The following GAB1 variants were observed in gnomAD, a reference collection of about 807,000 sequenced individuals.
The protein encoded by GAB1 is GRB2-associated-binding protein 1.
A neutral mutation model predicts 66.5 loss-of-function variants in GAB1; 19 were observed. The ratio of observed to expected loss-of-function variants is 0.29; its 90% CI spans 0.20 to 0.42. The LOEUF is 0.42. GAB1 is among the 10% of genes least tolerant of loss of function. The probability of loss-of-function intolerance (pLI) is 1.00; values close to 1 mark genes in which losing one functional copy is unlikely to be tolerated. For missense variants in GAB1, 732 were observed against 858.5 expected, an observed-to-expected ratio of 0.85 and a Z score of 1.84; for synonymous variants, 294 against 301.4, an observed-to-expected ratio of 0.98 and a Z score of 0.25.
chr4:143,351,558 C>G (rs1298059755), intron 1 of GAB1, among the ~76,000 whole-genome samples: 1 of 152,110 alleles, frequency 6.6e-6, no homozygotes, highest in Non-Finnish European at 1.5e-5. Flanking sequence ...GGAAAGGTGA[C>G]CTTTCGGCGG....
rs1736013134 is a variant in GAB1 at position 143,470,296 on chromosome 4, C to T, written c.*1107C>T. 1 of 152,044 alleles carries T rather than the reference C, an allele frequency of 6.6e-6. No individual in the cohort carries two copies. The highest frequency in any genetic ancestry group is 6.6e-5 in the Admixed American group (1 of 15,264). The allele number at this position is 152,044 out of a possible 1,614,324, so 9.4% of individuals were successfully genotyped here. A position where few individuals can be genotyped will look rare whatever the true frequency, so the allele number is the denominator to read the frequency against. ...CTATGCAATTAATATTTTATATCTG[C>T]ATTTTTTTAAAAAAAATAGATGTTA... On this transcript the variant is annotated 3_prime_UTR_variant, in exon 10 of 10. Coordinates refer to ENST00000262994, the MANE Select transcript of GAB1 (RefSeq NM_002039.4).
intron 1 of GAB1, among the ~76,000 whole-genome samples, chr4:143,359,968 C>T (rs1003033475): frequency 3.9e-5 from 6 of 152,174 alleles, no homozygotes; most frequent in Non-Finnish European, 5.9e-5. Flanking sequence ...GTTCAAAATA[C>T]CCAAAAAGAG....
At chr4:143,388,658 G>A (rs990602003) in intron 1 of GAB1, among the ~76,000 whole-genome samples, 5 of 151,958 alleles carry the variant, frequency 3.3e-5, no homozygotes, top group African/African-American at 1.2e-4. Context: ...CAGGTGATCC[G>A]CCCACCTCCA....
Position 143,433,578 on chromosome 4 carries a change from A to C in GAB1, c.455A>C (p.Asp152Ala), listed in dbSNP as rs776589442. 1 of 1,614,036 alleles carries C rather than the reference A, an allele frequency of 6.2e-7. No homozygotes were observed. Among genetic ancestry groups the C allele is most frequent in the South Asian group, 1.1e-5 (1 of 91,084 alleles). Residue 152 changes from aspartate to alanine, a missense_variant, in exon 3 of 10, where the codon GAT (aspartate) becomes GCT (alanine). Coordinates refer to ENST00000262994, the MANE Select transcript of GAB1 (RefSeq NM_002039.4). ...ACAGCACCACCATCCACCCAGGCAG[A>C]TTCATCCTCTGCTACTCTACCTCCT... ...INTAPPSTQA[D>A]SSSATLPPPY...
chr4:143,349,626 G>A, intron 1 of GAB1: 6 of 1,463,642 alleles, frequency 4.1e-6, no homozygotes, highest in Non-Finnish European at 5.6e-6. Flanking sequence ...GGACGGTGTG[G>A]GGCTTGCCGA....
At chr4:143,435,859 A>G (rs1733915344) in intron 3 of GAB1, among the ~76,000 whole-genome samples, 2 of 152,200 alleles carry the variant, frequency 1.3e-5, no homozygotes, top group African/African-American at 4.8e-5. Context: ...TCTAGGAAGC[A>G]TTCCTCTCAA....
chr4:143,364,423 C>A (rs1333992590), intron 1 of GAB1, among the ~76,000 whole-genome samples: 1 of 152,102 alleles, frequency 6.6e-6, no homozygotes, highest in Non-Finnish European at 1.5e-5. Context: ...TTATTTAATT[C>A]CTCCCTCTTT....
chr4:143,346,644 A>AT (rs1161326041), intron 1 of GAB1, among the ~76,000 whole-genome samples: 1 of 152,170 alleles, frequency 6.6e-6, no homozygotes, highest in South Asian at 2.1e-4. Flanking sequence ...CTAGGGAGGT[A>AT]TTTTTTGAAC....
intron 6 of GAB1, among the ~76,000 whole-genome samples, chr4:143,456,228 C>T (rs990924720): frequency 2.0e-5 from 3 of 152,096 alleles, no homozygotes; most frequent in East Asian, 1.9e-4. Context: ...GAGGCCAAGG[C>T]GGGTGGATCA....
intron 1 of GAB1, among the ~76,000 whole-genome samples, chr4:143,402,236 A>G (rs1302884776): frequency 2.0e-5 from 3 of 152,220 alleles, no homozygotes; most frequent in African/African-American, 7.2e-5. Context: ...ATCCTTAATA[A>G]TCTTAGTATA....
intron 1 of GAB1, among the ~76,000 whole-genome samples, chr4:143,376,089 A>C (rs1432924778): frequency 3.3e-5 from 5 of 151,826 alleles, no homozygotes; most frequent in Non-Finnish European, 5.9e-5. Context: ...TCCTCGCCCC[A>C]CACCAGCGCC....
intron 2 of GAB1, among the ~76,000 whole-genome samples, chr4:143,416,216 T>C (rs1732676072): frequency 6.6e-6 from 1 of 151,878 alleles, no homozygotes; most frequent in African/African-American, 2.4e-5. Context: ...CCATCCTGGC[T>C]AACACAGTGA....
chr4:143,470,200 C>A lies in GAB1; in HGVS notation c.*1011C>A, dbSNP rs1578767882. The A allele has an allele frequency of 6.6e-6, 1 of 152,234 alleles. No homozygotes were observed. The highest frequency in any genetic ancestry group is 1.9e-4 in the East Asian group (1 of 5,190). 9.4% of individuals were successfully genotyped at this position (152,234 alleles called of 1,614,324 possible). The stretch of plus-strand genomic sequence containing the variant: ...GATTTATTACTCTATGAAATTCTGT[C>A]TTTTGACACCATAGTGCCCTTTCTA... On this transcript the variant is annotated 3_prime_UTR_variant, in exon 10 of 10. Transcript: ENST00000262994.
At chr4:143,434,215 A>C in intron 3 of GAB1, 1 of 985,678 alleles carries the variant, frequency 1.0e-6, no homozygotes, top group African/African-American at 1.7e-5. Flanking sequence ...AATTAATCAT[A>C]AGGTAAAATC....
At chr4:143,374,320 CCAGA>C (rs1179882773) in intron 1 of GAB1, among the ~76,000 whole-genome samples, 1 of 151,980 alleles carries the variant, frequency 6.6e-6, no homozygotes, top group Non-Finnish European at 1.5e-5. Flanking sequence ...GTTGCAAGTA[CCAGA>C]AATGTGCCTG....
chr4:143,392,110 G>T (rs1164228625), intron 1 of GAB1, among the ~76,000 whole-genome samples: 2 of 152,160 alleles, frequency 1.3e-5, no homozygotes, highest in Non-Finnish European at 2.9e-5. Flanking sequence ...ATCTTAAAGA[G>T]GAGGCATCTG....
intron 1 of GAB1, among the ~76,000 whole-genome samples, chr4:143,408,817 A>T (rs1156641364): frequency 6.6e-6 from 1 of 152,224 alleles, no homozygotes; most frequent in Non-Finnish European, 1.5e-5. Context: ...CTTAAATATC[A>T]GTTGTGAAAT....
At chr4:143,444,731 A>T (rs1734420601) in intron 6 of GAB1, among the ~76,000 whole-genome samples, 1 of 152,092 alleles carries the variant, frequency 6.6e-6, no homozygotes, top group Non-Finnish European at 1.5e-5. Flanking sequence ...TGAACATAGC[A>T]CCCAATCGTT....
In GAB1 at chr4:143,438,614, G is replaced by C; in HGVS notation, c.1195+14G>C. On this transcript the variant is annotated intron_variant, in intron 4 of 9. Transcript: ENST00000262994. ...AATTGCGAAAAGGTCAGCTCTAGTT[G>C]ACTTCTTCTCTATTAGAGGTTAATG... 1 of 1,606,928 alleles carries C rather than the reference G, an allele frequency of 6.2e-7. No homozygotes were observed. The highest frequency in any genetic ancestry group is 8.5e-7 in the Non-Finnish European group (1 of 1,176,638).
Sources: gnomAD v4.1 joint callset for allele counts (sites outside exome capture counted in the v4.1 genomes callset) on GRCh38, gnomAD v4.1.1 for gene constraint, MANE v1.5 for transcripts, NCBI Gene and HGNC (gene_info 2026-07-23, HGNC 2026-07-21) for gene names.